The following TCTN2 variants were observed in gnomAD, a reference collection of about 807,000 sequenced individuals.
The protein encoded by TCTN2 is tectonic-2.
In TCTN2, 66 loss-of-function variants were observed where a neutral mutation model predicts 83.4. The observed-to-expected ratio is 0.79, with a 90% CI of 0.65 to 0.97. The LOEUF (loss-of-function observed/expected upper bound fraction) is 0.97. Among genes scored for constraint, TCTN2 ranks in the 50% least tolerant of loss-of-function variants. The probability of loss-of-function intolerance (pLI) is 0.00; values close to 1 mark genes in which losing one functional copy is unlikely to be tolerated. For missense variants in TCTN2, 794 were observed against 858.1 expected (o/e 0.93, Z 0.93); for synonymous variants, 301 against 326.7 (o/e 0.92, Z 0.85).
intron 4 of TCTN2, among the ~76,000 whole-genome samples, chr12:123,677,466 A>G (rs1303561197): frequency 6.6e-6 from 1 of 152,228 alleles, no homozygotes. Context: ...AAAATTCAGC[A>G]GAATGAAACT....
chr12:123,698,584 T>C (rs1439698526), intron 13 of TCTN2, among the ~76,000 whole-genome samples: 2 of 151,838 alleles, frequency 1.3e-5, no homozygotes, highest in Non-Finnish European at 2.9e-5. Flanking sequence ...AGTACAGGTG[T>C]GTGCCTGGCT....
At chr12:123,705,547 C>A (rs1386414032) in intron 15 of TCTN2, among the ~76,000 whole-genome samples, 1 of 152,140 alleles carries the variant, frequency 6.6e-6, no homozygotes, top group Non-Finnish European at 1.5e-5. Flanking sequence ...TCAGAGTAAT[C>A]CACATACAGC....
rs138424718 is a variant in TCTN2 at position 123,694,606 on chromosome 12, G to T, written c.1100-236G>T. ...GGTGCTGGAGATATAGAAATGAAAG[G>T]AACAGATCTCATTCTGGGTACTGTG... On this transcript the variant is annotated intron_variant, in intron 9 of 17. Coordinates refer to ENST00000303372, the MANE Select transcript of TCTN2 (RefSeq NM_024809.5). 2.9e-3 allele frequency among the ~76,000 whole-genome samples: 437 copies of T among 152,328 alleles called. 2 individuals carry two copies. The highest frequency in any genetic ancestry group is 0.01 in the African/African-American group (416 of 41,590).
At chr12:123,671,730 A>C (rs1355243140) in intron 2 of TCTN2, 116 bp downstream of exon 2, 1 of 871,696 alleles carries the variant, frequency 1.1e-6, no homozygotes, top group Non-Finnish European at 1.8e-6. Flanking sequence ...GCAAAGTCGC[A>C]TGGGGAGAAA....
chr12:123,685,049 CAAAAAAA>C (rs35845988), intron 5 of TCTN2, among the ~76,000 whole-genome samples: 1 of 94,814 alleles, frequency 1.1e-5, no homozygotes, highest in African/African-American at 4.0e-5. Context: ...GACTCCATCT[CAAAAAAA>C]AAAAAAAAAG....
chr12:123,693,376 C>CTTTTTTTTTTTTTTTTT (rs373196834), intron 9 of TCTN2, among the ~76,000 whole-genome samples: 9 of 92,948 alleles, frequency 9.7e-5, no homozygotes, highest in Non-Finnish European at 1.9e-4. Context: ...GCTTTCTTTC[C>CTTTTTTTTTTTTTTTTT]TTTTTTTTTT....
intron 11 of TCTN2, 42 bp downstream of exon 11, chr12:123,695,339 T>G (rs774059646): frequency 7.4e-7 from 1 of 1,358,420 alleles, no homozygotes; most frequent in Admixed American, 1.7e-5. Context: ...ACAAACATAC[T>G]TTAGTTCAAC....
chr12:123,697,023 C>G (rs1956117027), intron 12 of TCTN2, 64 bp from the exon 13 acceptor site: 1 of 1,302,306 alleles, frequency 7.7e-7, no homozygotes, highest in South Asian at 1.2e-5. Context: ...TCACGGAAAA[C>G]TGAAGTTAAT....
At position 123,690,672 on chromosome 12, in the gene TCTN2, GA is replaced by G. The variant is rs1956030901; in HGVS notation, c.1032del (p.Gly345AlafsTer2). Reference sequence around the variant, plus strand: ...GCGAAGATAAAGAATGTTGCCTTAGGAGGTATGTTACATTTCTTTGAAAAAA... The same window carrying G: ...GCGAAGATAAAGAATGTTGCCTTAGGGGTATGTTACATTTCTTTGAAAAAA... ...INAKIKNVAL[G>X]GIVTPKVIYE... On this transcript the variant is annotated frameshift_variant and splice_region_variant, in exon 8 of 18. Coordinates refer to ENST00000303372, the MANE Select transcript of TCTN2 (RefSeq NM_024809.5). LOFTEE classifies it high-confidence loss of function. The G allele has an allele frequency of 6.2e-7, 1 of 1,613,950 alleles. No individual in the cohort carries two copies. Among genetic ancestry groups the G allele is most frequent in the South Asian group, 1.1e-5 (1 of 91,064 alleles).
intron 5 of TCTN2, among the ~76,000 whole-genome samples, chr12:123,685,366 C>T (rs1955951796): frequency 6.6e-6 from 1 of 152,226 alleles, no homozygotes; most frequent in South Asian, 2.1e-4. Context: ...ATTTAACTTA[C>T]AGCTCTCTGG....
At position 123,683,351 on chromosome 12, in the gene TCTN2, G is replaced by A. The variant is rs1013461063; in HGVS notation, c.565-3485G>A. On this transcript the variant is annotated intron_variant, in intron 5 of 17. Transcript: ENST00000303372. ...GCTGGAGAGCAGTGGTGCCATCTCC[G>A]CTCACTGCAACCTCTGCCTCCTGGC... is the stretch of plus-strand genomic sequence containing the variant. Among the ~76,000 whole-genome samples the A allele has an allele frequency of 7.3e-5, 11 of 151,286 alleles. No individual in the cohort carries two copies. The East Asian group carries it at 9.8e-4, about 13-fold the overall frequency.
At chr12:123,691,802 G>C (rs1193354537) in intron 8 of TCTN2, among the ~76,000 whole-genome samples, 4 of 151,562 alleles carry the variant, frequency 2.6e-5, no homozygotes, top group African/African-American at 9.7e-5. Flanking sequence ...CGTGATCTCG[G>C]CTCGCTGCAA....
In TCTN2 at chr12:123,694,854, A is replaced by G. The variant is rs552040538; in HGVS notation, c.1112A>G (p.Asn371Ser). 2 of 1,612,752 alleles carry G rather than the reference A, an allele frequency of 1.2e-6. No homozygotes were observed. Among genetic ancestry groups the G allele is most frequent in the African/African-American group, 1.3e-5 (1 of 75,012 alleles). ...CTTGTATTTGCAGAAACTCCTTTAAATAACGGATCAACCCCTAGAATTGTG... is the reference window on the plus strand; with the variant it reads ...CTTGTATTTGCAGAAACTCCTTTAAGTAACGGATCAACCCCTAGAATTGTG... ...KFITNTETPL[N>S]NGSTPRIVNV... The change falls in exon 10 of 18, where the codon AAT becomes AGT. Residue 371 changes from asparagine to serine, a missense_variant. Transcript: ENST00000303372.
chr12:123,702,315 C>T (rs1045973754), intron 14 of TCTN2, among the ~76,000 whole-genome samples: 2 of 152,154 alleles, frequency 1.3e-5, no homozygotes, highest in Non-Finnish European at 1.5e-5. Flanking sequence ...GATCCTGTCC[C>T]TACCCTTTCC....
rs1955996946 is a variant in TCTN2, at chr12:123,688,124, A to G, written c.838A>G (p.Lys280Glu). The G allele has an allele frequency of 1.2e-6, 2 of 1,614,118 alleles. No individual in the cohort carries two copies. The highest frequency in any genetic ancestry group is 1.7e-6 in the Non-Finnish European group (2 of 1,179,960). The change falls in exon 7 of 18, where the codon AAA (lysine) becomes GAA (glutamate). Residue 280 changes from lysine (K) to glutamate (E), a missense_variant. By Grantham distance (56) the Lys-to-Glu change is moderately conservative. Transcript: ENST00000303372. ...AAAAGACTTTGCAGACTTTGGTTAC[A>G]AACAAGGAGATCCCATTATGACTGT... Reference protein sequence around the residue: ...DAKDFADFGYKQGDPIMTVKK... With the variant: ...DAKDFADFGYEQGDPIMTVKK...
At chr12:123,676,210 G>A (rs1955818454) in intron 4 of TCTN2, among the ~76,000 whole-genome samples, 1 of 152,050 alleles carries the variant, frequency 6.6e-6, no homozygotes, top group African/African-American at 2.4e-5. Flanking sequence ...AGCCCAGGAG[G>A]TGGAGGCTGC....
intron 5 of TCTN2, among the ~76,000 whole-genome samples, chr12:123,680,964 AAAAG>A (rs1379401665): frequency 2.0e-5 from 3 of 152,148 alleles, no homozygotes; most frequent in African/African-American, 2.4e-5. Context: ...GAAATATAAA[AAAAG>A]AAAGAATAAG....
intron 9 of TCTN2, among the ~76,000 whole-genome samples, chr12:123,693,018 CTTTTTTTTTTTTTT>C (rs539689505): frequency 7.4e-5 from 4 of 53,780 alleles, no homozygotes; most frequent in Non-Finnish European, 9.9e-5. Flanking sequence ...TTAAATAATT[CTTTTTTTTTTTTTT>C]TTTTTTTTTT....
chr12:123,672,751 A>G lies in TCTN2; in HGVS notation c.267+619A>G, dbSNP rs114404549. On this transcript the variant is annotated intron_variant, in intron 3 of 17. Coordinates refer to ENST00000303372, the MANE Select transcript of TCTN2 (RefSeq NM_024809.5). The stretch of plus-strand genomic sequence containing the variant: ...GCAACAGAGCAAGACCCTGTCTCTT[A>G]AAAAAAAAGAAAAAGCTGGTCAGGC... Among the ~76,000 whole-genome samples the G allele has an allele frequency of 9.2e-3, 1,384 of 150,484 alleles. 27 individuals are homozygous for G. Among genetic ancestry groups the G allele is most frequent in the African/African-American group, 0.032 (1,302 of 40,980 alleles).
Sources: gnomAD v4.1 joint callset for allele counts (sites outside exome capture counted in the v4.1 genomes callset) on GRCh38, gnomAD v4.1.1 for gene constraint, MANE v1.5 for transcripts, NCBI Gene and HGNC (gene_info 2026-07-23, HGNC 2026-07-21) for gene names.